RBFOX1: variants seen among roughly 807,000 people sequenced by gnomAD.
RBFOX1 encodes the protein RNA binding fox-1 homolog 1, also known as RNA binding protein fox-1 homolog 1.
Under a neutral mutation model 57.7 loss-of-function variants are expected in RBFOX1, and 8 were observed. The observed-to-expected ratio is 0.14, with a 90% confidence interval of 0.08 to 0.25. The LOEUF (loss-of-function observed/expected upper bound fraction) is 0.25, where lower values mean the gene tolerates loss of function less well. Among genes scored for constraint, RBFOX1 ranks in the 10% least tolerant of loss-of-function variants. The probability of loss-of-function intolerance (pLI) is 1.00; values close to 1 mark genes in which losing one functional copy is unlikely to be tolerated. For synonymous variants in RBFOX1, 326 were observed against 222.4 expected (o/e 1.47, Z -4.15); for missense variants, 611 against 548.5 (o/e 1.11, Z -1.14).
chr16:7,364,420 T>G (rs908096731), intron 4 of RBFOX1, among the ~76,000 whole-genome samples: 1 of 152,174 alleles, frequency 6.6e-6, no homozygotes, highest in Non-Finnish European at 1.5e-5. Flanking sequence ...ATGCTAGCAT[T>G]TTTTTGTGCG....
At chr16:5,334,154 T>C (rs532239445) in intron 1 of RBFOX1, among the ~76,000 whole-genome samples, 2 of 152,230 alleles carry the variant, frequency 1.3e-5, no homozygotes, top group African/African-American at 2.4e-5. Flanking sequence ...GAGAAGTTTA[T>C]TGTGGAGTTG....
intron 5 of RBFOX1, among the ~76,000 whole-genome samples, chr16:7,549,207 G>A (rs574649746): frequency 6.6e-6 from 1 of 152,344 alleles, no homozygotes; most frequent in African/African-American, 2.4e-5. Context: ...TTACAGAGTG[G>A]AAGTAGCTCC....
intron 1 of RBFOX1, among the ~76,000 whole-genome samples, chr16:5,418,819 CAA>C (rs1277553402): frequency 6.6e-6 from 1 of 152,154 alleles, no homozygotes; most frequent in African/African-American, 2.4e-5. Context: ...CCCTGGTTAG[CAA>C]AAGAGAAAGA....
At chr16:7,671,224 G>A (rs1307688488) in intron 13 of RBFOX1, among the ~76,000 whole-genome samples, 1 of 152,188 alleles carries the variant, frequency 6.6e-6, no homozygotes, top group Admixed American at 6.5e-5. Context: ...AGAGATGAAT[G>A]TGAAATAGTT....
At chr16:6,251,007 A>G (rs571502901) in intron 1 of RBFOX1, among the ~76,000 whole-genome samples, 45 of 152,078 alleles carry the variant, frequency 3.0e-4, no homozygotes, top group Non-Finnish European at 5.6e-4. Flanking sequence ...GGAGTGTGAG[A>G]TGGTCAGAAT....
intron 3 of RBFOX1, among the ~76,000 whole-genome samples, chr16:5,647,449 T>G (rs746698822): frequency 1.3e-5 from 2 of 152,196 alleles, no homozygotes; most frequent in Non-Finnish European, 2.9e-5. Context: ...TTTGGCAACA[T>G]GTAAACACTG....
intron 3 of RBFOX1, among the ~76,000 whole-genome samples, chr16:6,691,602 A>G (rs76278334): frequency 0.082 from 12,534 of 152,206 alleles, 1,067 homozygotes; most frequent in East Asian, 0.42. Context: ...CCCAGGAAGA[A>G]AGAATGTGTG....
chr16:5,444,317 A>G (rs182474455), intron 1 of RBFOX1, among the ~76,000 whole-genome samples: 20 of 152,290 alleles, frequency 1.3e-4, no homozygotes, highest in African/African-American at 4.3e-4. Flanking sequence ...AAATCTGATC[A>G]CTCAGAGCTT....
At chr16:5,329,157 A>G (rs2064672909) in intron 1 of RBFOX1, among the ~76,000 whole-genome samples, 1 of 152,214 alleles carries the variant, frequency 6.6e-6, no homozygotes, top group Non-Finnish European at 1.5e-5. Flanking sequence ...AGGTTATGTA[A>G]CTAAAGTTGA....
Position 7,378,538 on chromosome 16 carries a change from C to A in RBFOX1, c.28-139609C>A, listed in dbSNP as rs867243847. ...TTCCAACTGGATATGTCATTTCTAC[C>A]AAGCCAGTGGCAACTCCAGCCTAGG... On this transcript the variant is annotated intron_variant, in intron 4 of 15. Coordinates refer to ENST00000550418, the MANE Select transcript of RBFOX1 (RefSeq NM_018723.4). Among the ~76,000 whole-genome samples the A allele has an allele frequency of 2.1e-4, 32 of 152,278 alleles. 1 individual carries two copies. Among genetic ancestry groups the A allele is most frequent in the Middle Eastern group, 6.8e-3 (2 of 294 alleles).
chr16:6,467,910 G>A (rs1319954138), intron 2 of RBFOX1, among the ~76,000 whole-genome samples: 1 of 152,190 alleles, frequency 6.6e-6, no homozygotes, highest in Non-Finnish European at 1.5e-5. Flanking sequence ...TGAAACTGTA[G>A]AATATGGCCA....
chr16:5,635,068 T>A (rs1042320500), intron 3 of RBFOX1, among the ~76,000 whole-genome samples: 1 of 152,138 alleles, frequency 6.6e-6, no homozygotes, highest in Non-Finnish European at 1.5e-5. Context: ...GGAGGGGAAA[T>A]ATGCTAGCCA....
rs2092697254 is a variant in RBFOX1 at position 7,000,596 on chromosome 16, C to CTTTCTTTTTTTTTTTTT, written c.-15-51458_-15-51457insCTTTTTTTTTTTTTTTT. The stretch of plus-strand genomic sequence containing the variant: ...TTTCTTTTTTTCTTTCTTTTTCTTT[C>CTTTCTTTTTTTTTTTTT]TTTTTTTTTTTTTTTTTTTTTGAGA... On this transcript the variant is annotated intron_variant, in intron 3 of 15. Transcript: ENST00000550418. Among the ~76,000 whole-genome samples, 7 of 92,596 alleles carry CTTTCTTTTTTTTTTTTT rather than the reference C, an allele frequency of 7.6e-5. 1 individual carries two copies. Among genetic ancestry groups the CTTTCTTTTTTTTTTTTT allele is most frequent in the Non-Finnish European group, 5.9e-5 (3 of 50,840 alleles). The allele number at this position is 92,596 out of a possible 152,430, so 60.7% of individuals were successfully genotyped here. A position where few individuals can be genotyped will look rare whatever the true frequency, so the allele number is the denominator to read the frequency against.
At chr16:6,626,119 C>T (rs1350406805) in intron 2 of RBFOX1, among the ~76,000 whole-genome samples, 1 of 150,914 alleles carries the variant, frequency 6.6e-6, no homozygotes. Flanking sequence ...AACATTGCAT[C>T]AAGGCCTAAA....
intron 2 of RBFOX1, among the ~76,000 whole-genome samples, chr16:6,333,318 G>T (rs1251281698): frequency 6.6e-6 from 1 of 152,148 alleles, no homozygotes; most frequent in Non-Finnish European, 1.5e-5. Context: ...GCGCTGGGAT[G>T]ACAGGTGTGA....
intron 4 of RBFOX1, among the ~76,000 whole-genome samples, chr16:5,903,363 C>A (rs2058357746): frequency 6.6e-6 from 1 of 152,168 alleles, no homozygotes; most frequent in African/African-American, 2.4e-5. Flanking sequence ...GTGACTATGC[C>A]TATTCTTCCT....
chr16:6,790,486 C>A (rs778437751), intron 3 of RBFOX1, among the ~76,000 whole-genome samples: 1 of 151,956 alleles, frequency 6.6e-6, no homozygotes, highest in African/African-American at 2.4e-5. Context: ...GGCATGGCGC[C>A]CTCCATCGTT....
chr16:7,012,847 G>A (rs923408193), intron 3 of RBFOX1, among the ~76,000 whole-genome samples: 1 of 152,132 alleles, frequency 6.6e-6, no homozygotes, highest in Non-Finnish European at 1.5e-5. Flanking sequence ...TAGACTGGGT[G>A]GCTTGAACAA....
chr16:6,961,145 C>CACACACACACACACACACACACACA (rs142889433), intron 3 of RBFOX1, among the ~76,000 whole-genome samples: 3,187 of 143,642 alleles, frequency 0.022, 100 homozygotes, highest in African/African-American at 0.042. Context: ...TCACACACAC[C>CACACACACACACACACACACACACA]CACACAGACA....
Sources: allele counts gnomAD v4.1 joint callset (sites outside exome capture counted in the v4.1 genomes callset), GRCh38; gene constraint gnomAD v4.1.1; transcripts MANE v1.5; gene names NCBI Gene and HGNC (gene_info 2026-07-23, HGNC 2026-07-21).